Variants in PHTF1 observed in about 807,000 individuals in gnomAD.
PHTF1 encodes protein PHTF1.
PHTF1 carries 88 observed loss-of-function variants against 102.4 expected under a neutral mutation model. The observed-to-expected ratio is 0.86, with a 90% CI of 0.72 to 1.03. The LOEUF is 1.03. PHTF1 is among the 50% of genes least tolerant of loss of function. The probability of loss-of-function intolerance (pLI) is 0.00; values close to 1 mark genes in which losing one functional copy is unlikely to be tolerated. For missense variants in PHTF1, 814 were observed against 909.5 expected, an observed-to-expected ratio of 0.89 and a Z score of 1.35; for synonymous variants, 289 against 305.2, an observed-to-expected ratio of 0.95 and a Z score of 0.55.
rs1431213306 is a variant in PHTF1, at chr1:113,757,592, AAAG to A, written c.102+104_102+106del. ...GCTTTTCTTATAACCTTCAAAGATT[AAAG>A]AATGCCATACTGGTAGTTAAATGCA... On this transcript the variant is annotated intron_variant, in intron 3 of 18. Coordinates refer to ENST00000369604, the MANE Select transcript of PHTF1 (RefSeq NM_001323043.2). 5 of 743,558 alleles carry A rather than the reference AAAG, an allele frequency of 6.7e-6. No individual in the cohort carries two copies. In the East Asian group the frequency reaches 1.3e-4, roughly 19 times the overall value. The allele number at this position is 743,558 out of a possible 1,614,324, so 46.1% of individuals were successfully genotyped here.
At chr1:113,758,531 C>G in intron 2 of PHTF1, 128 bp downstream of exon 2, 22 of 249,846 alleles carry the variant, frequency 8.8e-5, no homozygotes, top group South Asian at 1.5e-4. Context: ...TTTTTTTTTT[C>G]ATTTATGTTG....
intron 3 of PHTF1, among the ~76,000 whole-genome samples, chr1:113,742,577 C>T (rs1013826912): frequency 4.6e-5 from 7 of 151,828 alleles, no homozygotes; most frequent in Non-Finnish European, 8.8e-5. Context: ...GCCAAGATCG[C>T]GCCATTGCAC....
At chr1:113,699,656 T>C (rs1649226875) in intron 17 of PHTF1, 48 bp downstream of exon 17, 1 of 813,228 alleles carries the variant, frequency 1.2e-6, no homozygotes, top group South Asian at 1.5e-5. Context: ...GAGAAAAGAC[T>C]GATTTAACTC....
intron 16 of PHTF1, 64 bp downstream of exon 16, chr1:113,700,729 AG>A: frequency 6.9e-7 from 1 of 1,455,142 alleles, no homozygotes; most frequent in Non-Finnish European, 9.5e-7. Flanking sequence ...AATCCTCTGC[AG>A]GAACCTTACA....
rs1649874349 is a variant in PHTF1, at chr1:113,704,740, A to G, written c.1729T>C (p.Tyr577His). The G allele has an allele frequency of 1.9e-6, 3 of 1,590,662 alleles. No homozygotes were observed. The highest frequency in any genetic ancestry group is 2.6e-6 in the Non-Finnish European group (3 of 1,159,364). Residue 577 changes from tyrosine to histidine, a missense_variant, in exon 14 of 19, where the codon TAT becomes CAT. Coordinates refer to ENST00000369604, the MANE Select transcript of PHTF1 (RefSeq NM_001323043.2). ...HITSARKARK[Y>H]EIPHFRLKKV... Reference sequence around the variant, plus strand: ...TTAAGTCTGAAATGAGGTATTTCATATTTCCTAGCTTTCCTGGCAGAAGTA... The same window carrying G: ...TTAAGTCTGAAATGAGGTATTTCATGTTTCCTAGCTTTCCTGGCAGAAGTA...
chr1:113,701,826 TAA>T (rs34844793), intron 15 of PHTF1, among the ~76,000 whole-genome samples: 589 of 27,762 alleles, frequency 0.021, 2 homozygotes, highest in African/African-American at 0.07. Flanking sequence ...CAATTCCTGG[TAA>T]AAAAAAAAAA....
chr1:113,731,488 G>A (rs966660121), intron 5 of PHTF1, among the ~76,000 whole-genome samples: 2 of 151,836 alleles, frequency 1.3e-5, no homozygotes, highest in African/African-American at 4.8e-5. Flanking sequence ...ATACCATCAC[G>A]CCACTGCACT....
Position 113,711,989 on chromosome 1 carries a change from C to T in PHTF1, c.908G>A (p.Cys303Tyr). ...SVEGASSDNG[C>Y]EVKNRKSILS... ...TATTGATTTTCTATTCTTAACTTCA[C>T]AACCATTGTCACTTGAGGCCCCTTC... Residue 303 changes from cysteine (C) to tyrosine (Y), a missense_variant, in exon 9 of 19, where the codon TGT becomes TAT. Cys to Tyr is a radical substitution (Grantham distance 194). Coordinates refer to ENST00000369604, the MANE Select transcript of PHTF1 (RefSeq NM_001323043.2). 1 of 1,614,056 alleles carries T rather than the reference C, an allele frequency of 6.2e-7. No homozygotes were observed. The highest frequency in any genetic ancestry group is 1.1e-5 in the South Asian group (1 of 91,074).
At chr1:113,749,194 T>A (rs1657657744) in intron 3 of PHTF1, among the ~76,000 whole-genome samples, 1 of 152,234 alleles carries the variant, frequency 6.6e-6, no homozygotes, top group Admixed American at 6.5e-5. Context: ...ACACTGTTTT[T>A]ATGATTCCTG....
intron 7 of PHTF1, among the ~76,000 whole-genome samples, chr1:113,716,694 A>G (rs1445833194): frequency 1.3e-5 from 2 of 152,092 alleles, no homozygotes; most frequent in East Asian, 3.9e-4. Context: ...TTTTTGTCCT[A>G]CAATACTATA....
At chr1:113,722,003 T>C (rs6663679) in intron 7 of PHTF1, among the ~76,000 whole-genome samples, 113,343 of 151,696 alleles carry the variant, frequency 0.75, 42,935 homozygotes, top group African/African-American at 0.83. Flanking sequence ...CAAAAATCAA[T>C]AGCATTTCTA....
chr1:113,751,618 T>C (rs1302610491), intron 3 of PHTF1, among the ~76,000 whole-genome samples: 1 of 152,226 alleles, frequency 6.6e-6, no homozygotes, highest in Admixed American at 6.5e-5. Flanking sequence ...GATGGACACG[T>C]GGGTTTTTCC....
intron 11 of PHTF1, among the ~76,000 whole-genome samples, chr1:113,709,264 C>T (rs1215367313): frequency 6.6e-6 from 1 of 152,146 alleles, no homozygotes; most frequent in Non-Finnish European, 1.5e-5. Flanking sequence ...AGAAAATTTA[C>T]ACTGTTTCTT....
At chr1:113,758,859 G>A (rs1314609817) in intron 1 of PHTF1, 126 bp from the exon 2 acceptor site, 2 of 1,334,142 alleles carry the variant, frequency 1.5e-6, no homozygotes, top group Non-Finnish European at 1.9e-6. Flanking sequence ...CTGTTTGCCA[G>A]GGAAAACACA....
chr1:113,713,471 T>C (rs1651488862), intron 7 of PHTF1, 33 bp from the exon 8 acceptor site: 1 of 1,267,024 alleles, frequency 7.9e-7, no homozygotes, highest in Non-Finnish European at 1.1e-6. Context: ...AAGATTAATT[T>C]TTTGAAAGTA....
chr1:113,698,218 T>C, intron 18 of PHTF1, 44 bp downstream of exon 18: 3 of 1,457,712 alleles, frequency 2.1e-6, no homozygotes, highest in South Asian at 1.2e-5. Flanking sequence ...CTGTACATAG[T>C]AATTTTTAAG....
Position 113,757,684 on chromosome 1 carries a change from A to G in PHTF1, c.102+15T>C. 1.3e-6 allele frequency: 2 copies of G among 1,567,772 alleles called. No individual in the cohort carries two copies. Among genetic ancestry groups the G allele is most frequent in the Non-Finnish European group, 1.8e-6 (2 of 1,137,880 alleles). ...ATGCAGTGAAACATAGGCGGAATCA[A>G]AGAAATCAATTTACCTTAATCTGAG... On this transcript the variant is annotated intron_variant, in intron 3 of 18. Coordinates refer to ENST00000369604, the MANE Select transcript of PHTF1 (RefSeq NM_001323043.2).
Position 113,750,729 on chromosome 1 carries a change from G to A in PHTF1, c.102+6970C>T, listed in dbSNP as rs1018288401. ...AAATTAGCTGGGCATGGTGGCGTGC[G>A]CCTGTAATCCCAGCCACTCGGGAGG... On this transcript the variant is annotated intron_variant, in intron 3 of 18. Transcript: ENST00000369604. 5.3e-4 allele frequency among the ~76,000 whole-genome samples: 81 copies of A among 151,874 alleles called. 1 individual carries two copies. The highest frequency in any genetic ancestry group is 5.2e-3 in the Admixed American group (80 of 15,258).
At chr1:113,756,890 G>A (rs780402435) in intron 3 of PHTF1, among the ~76,000 whole-genome samples, 22 of 152,178 alleles carry the variant, frequency 1.4e-4, no homozygotes, top group Non-Finnish European at 2.6e-4. Flanking sequence ...ACTCTAGGCC[G>A]GGCGCGGTGG....
Sources: gnomAD v4.1 joint callset for allele counts (sites outside exome capture counted in the v4.1 genomes callset) on GRCh38, gnomAD v4.1.1 for gene constraint, MANE v1.5 for transcripts, NCBI Gene and HGNC (gene_info 2026-07-23, HGNC 2026-07-21) for gene names.